Variants in BTBD9 observed in about 807,000 individuals in gnomAD.
The protein encoded by BTBD9 is BTB domain containing 9.
A neutral mutation model predicts 64.3 loss-of-function variants in BTBD9; 49 were observed. That is an observed-to-expected ratio of 0.76 (90% CI 0.61 to 0.97). The LOEUF is 0.97. Ranked by LOEUF, BTBD9 falls within the 50% of genes least tolerant of loss-of-function variation. BTBD9 has a pLI of 0.00. For missense variants in BTBD9, 598 were observed against 762.1 expected (o/e 0.78, Z 2.53); for synonymous variants, 260 against 274.7 (o/e 0.95, Z 0.53).
intron 9 of BTBD9, among the ~76,000 whole-genome samples, chr6:38,244,074 G>A (rs1299237660): frequency 6.6e-6 from 1 of 152,172 alleles, no homozygotes; most frequent in Non-Finnish European, 1.5e-5. Flanking sequence ...AAACGACCAT[G>A]CCTTTCCTTT....
intron 6 of BTBD9, among the ~76,000 whole-genome samples, chr6:38,545,500 C>T (rs1774491549): frequency 6.6e-6 from 1 of 152,062 alleles, no homozygotes; most frequent in Non-Finnish European, 1.5e-5. Context: ...GAATTTTAGG[C>T]TGGGCGCAAT....
chr6:38,254,813 G>A (rs1257044964), intron 9 of BTBD9, among the ~76,000 whole-genome samples: 1 of 152,174 alleles, frequency 6.6e-6, no homozygotes, highest in Non-Finnish European at 1.5e-5. Context: ...CATTGCTGGT[G>A]GGAATGTAAA....
At position 38,563,800 on chromosome 6, in the gene BTBD9, G is replaced by C. The variant is rs980057625; in HGVS notation, c.1154+13800C>G. ...ACTTTTTTTTTTTTTTTTTTTTTTT[G>C]AGACGGAGTCCTGCTCTGTTGCCCA... is the stretch of plus-strand genomic sequence containing the variant. On this transcript the variant is annotated intron_variant, in intron 6 of 10. Transcript: ENST00000481247. 7.8e-4 allele frequency among the ~76,000 whole-genome samples: 20 copies of C among 25,744 alleles called. No homozygotes were observed. The South Asian group carries it at 0.02, about 25-fold the overall frequency. 16.9% of individuals were successfully genotyped at this position (25,744 alleles called of 152,430 possible).
intron 9 of BTBD9, among the ~76,000 whole-genome samples, chr6:38,234,576 A>T (rs998670395): frequency 6.6e-6 from 1 of 152,268 alleles, no homozygotes; most frequent in African/African-American, 2.4e-5. Flanking sequence ...TATGTCTTAC[A>T]TAACTATTAT....
intron 8 of BTBD9, among the ~76,000 whole-genome samples, chr6:38,260,141 T>C (rs1179413166): frequency 1.3e-5 from 2 of 152,190 alleles, no homozygotes; most frequent in African/African-American, 4.8e-5. Context: ...TGTTTGGTCT[T>C]TCTCTTTTTA....
chr6:38,377,952 A>T (rs1248084188), intron 6 of BTBD9, among the ~76,000 whole-genome samples: 1 of 152,116 alleles, frequency 6.6e-6, no homozygotes, highest in Non-Finnish European at 1.5e-5. Flanking sequence ...GGTGCTGCAG[A>T]ATTTTGCTCC....
In BTBD9 at chr6:38,288,313, A is replaced by C. The variant is rs904134547; in HGVS notation, c.1413T>G (p.Ile471Met). The change falls in exon 8 of 11, where the codon ATT (isoleucine) becomes ATG (methionine). Residue 471 changes from isoleucine to methionine, a missense_variant. Transcript: ENST00000481247. ...TGTACGGTTGTGCCAACTGAACCAC[A>C]ATCGCACCACTTCCTAGCTGGTGAC... ...YTCHQLGSGAIVVQLAQPYMI... is the reference protein window; with the variant it reads ...YTCHQLGSGAMVVQLAQPYMI... 2 of 1,614,150 alleles carry C rather than the reference A, an allele frequency of 1.2e-6. No individual in the cohort carries two copies. Among genetic ancestry groups the C allele is most frequent in the Admixed American group, 3.3e-5 (2 of 60,014 alleles).
intron 6 of BTBD9, among the ~76,000 whole-genome samples, chr6:38,527,737 A>G (rs1467772942): frequency 6.6e-6 from 1 of 150,766 alleles, no homozygotes; most frequent in Non-Finnish European, 1.5e-5. Flanking sequence ...AACCACATCA[A>G]TATAAGTCAG....
At chr6:38,245,336 T>C (rs1764147103) in intron 9 of BTBD9, among the ~76,000 whole-genome samples, 1 of 152,120 alleles carries the variant, frequency 6.6e-6, no homozygotes, top group Non-Finnish European at 1.5e-5. Flanking sequence ...AGGGCAAACT[T>C]TCCTGAAAAG....
At chr6:38,525,017 G>T (rs1049918594) in intron 6 of BTBD9, among the ~76,000 whole-genome samples, 6 of 152,128 alleles carry the variant, frequency 3.9e-5, no homozygotes, top group Non-Finnish European at 8.8e-5. Flanking sequence ...GACTGACATA[G>T]GCACTAGAAT....
intron 6 of BTBD9, among the ~76,000 whole-genome samples, chr6:38,552,226 CCAA>C (rs1248397522): frequency 6.6e-6 from 1 of 152,126 alleles, no homozygotes; most frequent in African/African-American, 2.4e-5. Flanking sequence ...TATCTTCAGG[CCAA>C]CAACACAGTA....
At chr6:38,544,458 T>C (rs1774438108) in intron 6 of BTBD9, among the ~76,000 whole-genome samples, 1 of 152,046 alleles carries the variant, frequency 6.6e-6, no homozygotes. Context: ...GGGAGGGTGC[T>C]ACAATTTTAA....
At chr6:38,375,505 A>T (rs1247053833) in intron 6 of BTBD9, among the ~76,000 whole-genome samples, 2 of 152,178 alleles carry the variant, frequency 1.3e-5, no homozygotes, top group Non-Finnish European at 2.9e-5. Flanking sequence ...AGCAAGTATT[A>T]AAGTCAGACA....
intron 6 of BTBD9, among the ~76,000 whole-genome samples, chr6:38,347,050 A>T (rs1764310318): frequency 6.6e-6 from 1 of 152,150 alleles, no homozygotes; most frequent in Non-Finnish European, 1.5e-5. Context: ...GACCTAAGGG[A>T]TGCAATAACC....
chr6:38,429,796 G>A (rs376160421), intron 6 of BTBD9, among the ~76,000 whole-genome samples: 1 of 151,974 alleles, frequency 6.6e-6, no homozygotes, highest in Admixed American at 6.5e-5. Context: ...CAAAAGCCAA[G>A]CCTCTTTGCA....
intron 7 of BTBD9, among the ~76,000 whole-genome samples, chr6:38,333,405 T>C (rs139569431): frequency 1.4e-3 from 220 of 152,308 alleles, no homozygotes; most frequent in African/African-American, 4.2e-3. Context: ...ACTCTTCTGG[T>C]AAAAACTTAG....
intron 6 of BTBD9, among the ~76,000 whole-genome samples, chr6:38,466,519 C>T (rs1770404553): frequency 6.6e-6 from 1 of 152,014 alleles, no homozygotes; most frequent in Non-Finnish European, 1.5e-5. Context: ...TCTCAAACTC[C>T]TGACCTCAGG....
chr6:38,303,872 T>TATATATAC (rs1554137156), intron 7 of BTBD9, among the ~76,000 whole-genome samples: 2 of 106,646 alleles, frequency 1.9e-5, no homozygotes, highest in Non-Finnish European at 3.4e-5. Context: ...TATATATATA[T>TATATATAC]ATACACACAC....
intron 9 of BTBD9, among the ~76,000 whole-genome samples, chr6:38,194,244 C>T (rs1762198651): frequency 6.6e-6 from 1 of 152,174 alleles, no homozygotes; most frequent in Non-Finnish European, 1.5e-5. Context: ...CATGTCCTTC[C>T]TCCAGCAGGT....
Sources: allele counts gnomAD v4.1 joint callset (sites outside exome capture counted in the v4.1 genomes callset), GRCh38; gene constraint gnomAD v4.1.1; transcripts MANE v1.5; gene names NCBI Gene and HGNC (gene_info 2026-07-23, HGNC 2026-07-21).